The following CDC40 variants were observed in gnomAD, a reference collection of about 807,000 sequenced individuals.
CDC40 encodes cell division cycle 40, also known as pre-mRNA-processing factor 17.
CDC40 carries 27 observed loss-of-function variants against 80.6 expected under a neutral mutation model. The observed-to-expected ratio is 0.33, with a 90% CI of 0.25 to 0.46. CDC40 has a LOEUF of 0.46. CDC40 is among the 20% of genes least tolerant of loss of function. The probability of loss-of-function intolerance (pLI) is 1.00; values close to 1 mark genes in which losing one functional copy is unlikely to be tolerated. For synonymous variants in CDC40, 221 were observed against 232.6 expected (o/e 0.95, Z 0.45); for missense variants, 486 against 694.1 (o/e 0.70, Z 3.37).
intron 4 of CDC40, among the ~76,000 whole-genome samples, chr6:110,208,106 A>C (rs1777588616): frequency 6.6e-6 from 1 of 152,210 alleles, no homozygotes; most frequent in East Asian, 1.9e-4. Context: ...AACTTGTCAC[A>C]AGCCTCATCA....
chr6:110,210,380 T>G (rs1777621456), intron 5 of CDC40, among the ~76,000 whole-genome samples: 1 of 149,942 alleles, frequency 6.7e-6, no homozygotes, highest in South Asian at 2.1e-4. Flanking sequence ...TAAAACCCTG[T>G]CTCTACTAAA....
chr6:110,210,596 A>C, intron 5 of CDC40, 111 bp from the exon 6 acceptor site: 1 of 385,830 alleles, frequency 2.6e-6, no homozygotes, highest in Admixed American at 4.8e-5. Flanking sequence ...TTATCCTGGG[A>C]ACATACTCGG....
intron 10 of CDC40, 70 bp downstream of exon 10, chr6:110,217,873 CT>C: frequency 1.3e-6 from 1 of 777,664 alleles, no homozygotes; most frequent in Admixed American, 2.2e-5. Flanking sequence ...TGTGAGTAGT[CT>C]TTTGTGGCAA....
rs781079647 is a variant in CDC40 at position 110,207,490 on chromosome 6, A to G, written c.407-16A>G. 4 of 1,371,870 alleles carry G rather than the reference A, an allele frequency of 2.9e-6. No homozygotes were observed. Among genetic ancestry groups the G allele is most frequent in the Non-Finnish European group, 4.1e-6 (4 of 969,008 alleles). The allele number at this position is 1,371,870 out of a possible 1,614,324, so 85.0% of individuals were successfully genotyped here. On this transcript the variant is annotated splice_polypyrimidine_tract_variant and intron_variant, in intron 3 of 14. Coordinates refer to ENST00000307731, the MANE Select transcript of CDC40 (RefSeq NM_015891.3). ...CAGCAAAATGGAGTTAATAATTTTC[A>G]CTTTTTTGCTTTCAGGTTATGCATT...
chr6:110,183,210 ACTT>A (rs1777223121), intron 1 of CDC40, among the ~76,000 whole-genome samples: 1 of 152,174 alleles, frequency 6.6e-6, no homozygotes, highest in South Asian at 2.1e-4. Context: ...CATTGCTGTA[ACTT>A]GTTCATCTTT....
intron 2 of CDC40, among the ~76,000 whole-genome samples, chr6:110,199,810 C>T (rs1777471950): frequency 6.6e-6 from 1 of 152,050 alleles, no homozygotes. Context: ...TTAGATTCCC[C>T]ACCATGCCCC....
chr6:110,230,133 G>T lies in CDC40; in HGVS notation c.*2G>T. On this transcript the variant is annotated 3_prime_UTR_variant, in exon 15 of 15. Transcript: ENST00000307731. ...GGTCTCATTAAATTGTGGGATTAAT[G>T]AGATTAATCCTTAAACTAGCTGGGA... The T allele has an allele frequency of 6.3e-7, 1 of 1,583,246 alleles. No individual in the cohort carries two copies. The highest frequency in any genetic ancestry group is 1.1e-5 in the South Asian group (1 of 89,826).
At chr6:110,197,512 T>G (rs1430160638) in intron 2 of CDC40, among the ~76,000 whole-genome samples, 1 of 152,186 alleles carries the variant, frequency 6.6e-6, no homozygotes, top group Non-Finnish European at 1.5e-5. Flanking sequence ...TGTTGTACAA[T>G]AGATCTTTTG....
intron 12 of CDC40, among the ~76,000 whole-genome samples, chr6:110,220,755 T>G (rs1354823306): frequency 1.3e-5 from 2 of 152,172 alleles, no homozygotes; most frequent in African/African-American, 4.8e-5. Context: ...AGAAAGGCAC[T>G]TCTTACATGG....
In CDC40 at chr6:110,180,628, G is replaced by A. The variant is rs1027461761; in HGVS notation, c.184G>A (p.Val62Ile). ...AGTGGACTCGGCTCCGGAGGTGGCAGTTAAGGTAAGCACTTTTGCTACTAA... is the reference window on the plus strand; with the variant it reads ...AGTGGACTCGGCTCCGGAGGTGGCAATTAAGGTAAGCACTTTTGCTACTAA... ...VAVDSAPEVA[V>I]KEDLETGVHL... The change falls in exon 1 of 15, where the codon GTT becomes ATT. Residue 62 changes from valine to isoleucine, a missense_variant. By Grantham distance (29) the Val-to-Ile change is conservative. This residue lies in a region of CDC40 where 381 missense variants were observed against 492.1 expected (regional missense o/e 0.77). Transcript: ENST00000307731. 5.6e-6 allele frequency: 9 copies of A among 1,611,496 alleles called. No individual in the cohort carries two copies. In the Admixed American group the frequency reaches 6.7e-5, roughly 12 times the overall value.
chr6:110,222,491 A>T (rs748414564), intron 12 of CDC40, among the ~76,000 whole-genome samples: 3 of 152,076 alleles, frequency 2.0e-5, no homozygotes, highest in Non-Finnish European at 4.4e-5. Flanking sequence ...CGGGAGGTGG[A>T]GGTTGCAGTG....
chr6:110,181,579 T>C (rs1319619558), intron 1 of CDC40, among the ~76,000 whole-genome samples: 1 of 152,244 alleles, frequency 6.6e-6, no homozygotes, highest in Admixed American at 6.5e-5. Context: ...TTTTTAAAAA[T>C]GGACATCTGT....
intron 14 of CDC40, among the ~76,000 whole-genome samples, 175 bp from the exon 15 acceptor site, chr6:110,229,779 A>G (rs906026798): frequency 2.0e-5 from 3 of 152,078 alleles, no homozygotes; most frequent in African/African-American, 7.2e-5. Context: ...GGTTTTTTTA[A>G]TAGAATTTCA....
chr6:110,183,379 G>C (rs1777225233), intron 1 of CDC40, among the ~76,000 whole-genome samples: 1 of 152,210 alleles, frequency 6.6e-6, no homozygotes, highest in Non-Finnish European at 1.5e-5. Context: ...TTAAGAATCA[G>C]AATTTTAGAG....
At chr6:110,197,402 T>A (rs910518487) in intron 2 of CDC40, among the ~76,000 whole-genome samples, 4 of 152,244 alleles carry the variant, frequency 2.6e-5, no homozygotes, top group Admixed American at 2.6e-4. Context: ...CTAATTAACA[T>A]ATGCATTACT....
intron 3 of CDC40, among the ~76,000 whole-genome samples, chr6:110,207,203 T>C (rs755731207): frequency 7.9e-5 from 12 of 151,220 alleles, no homozygotes; most frequent in Non-Finnish European, 1.6e-4. Context: ...TAATCCCAGC[T>C]ACTCTGGAGG....
chr6:110,189,422 G>T (rs1777316782), intron 1 of CDC40, among the ~76,000 whole-genome samples: 1 of 152,184 alleles, frequency 6.6e-6, no homozygotes, highest in East Asian at 1.9e-4. Context: ...TCTGTTGAAT[G>T]AATATATGAA....
At chr6:110,202,032 G>T (rs957443117) in intron 3 of CDC40, among the ~76,000 whole-genome samples, 8 of 152,134 alleles carry the variant, frequency 5.3e-5, no homozygotes, top group Non-Finnish European at 1.2e-4. Context: ...GTGTTAAGAG[G>T]TTACTTTTTT....
intron 5 of CDC40, 118 bp from the exon 6 acceptor site, chr6:110,210,589 T>C (rs1696888825): frequency 2.8e-6 from 1 of 360,044 alleles, no homozygotes; most frequent in South Asian, 9.9e-5. Flanking sequence ...GAGCTTGTTA[T>C]CCTGGGAACA....
Sources: allele counts gnomAD v4.1 joint callset (sites outside exome capture counted in the v4.1 genomes callset), GRCh38; gene constraint gnomAD v4.1.1; regional missense constraint gnomAD v4.1.1; transcripts MANE v1.5; gene names NCBI Gene and HGNC (gene_info 2026-07-23, HGNC 2026-07-21).